ZFPM2: variants seen among roughly 807,000 people sequenced by gnomAD.
ZFPM2 encodes the protein zinc finger protein ZFPM2.
ZFPM2 carries 20 observed loss-of-function variants against 98.6 expected under a neutral mutation model. That is an observed-to-expected ratio of 0.20 (90% CI 0.14 to 0.29). The LOEUF (loss-of-function observed/expected upper bound fraction) is 0.29. Ranked by LOEUF, ZFPM2 falls within the 10% of genes least tolerant of loss-of-function variation. The pLI is 1.00. For synonymous variants in ZFPM2, 518 were observed against 502.7 expected (o/e 1.03, Z -0.41); for missense variants, 1,310 against 1,388.6 (o/e 0.94, Z 0.90).
intron 5 of ZFPM2, among the ~76,000 whole-genome samples, chr8:105,653,587 A>C (rs1259851274): frequency 1.3e-5 from 2 of 152,322 alleles, no homozygotes; most frequent in East Asian, 3.9e-4. Flanking sequence ...TTTTAACAAG[A>C]TCCTAGGTGA....
intron 1 of ZFPM2, among the ~76,000 whole-genome samples, chr8:105,340,118 T>C (rs1033360246): frequency 1.3e-5 from 2 of 151,890 alleles, no homozygotes; most frequent in African/African-American, 4.8e-5. Context: ...GAAGGAGTCG[T>C]TGAGAAAAAT....
chr8:105,517,710 CACACA>C (rs1563695424), intron 3 of ZFPM2, among the ~76,000 whole-genome samples: 2,795 of 95,154 alleles, frequency 0.029, 84 homozygotes, highest in African/African-American at 0.079. Context: ...ACACACACCA[CACACA>C]CACACACACA....
intron 1 of ZFPM2, among the ~76,000 whole-genome samples, chr8:105,340,749 A>G (rs1362562950): frequency 6.6e-6 from 1 of 151,912 alleles, no homozygotes; most frequent in Non-Finnish European, 1.5e-5. Flanking sequence ...TAGGAAGGTA[A>G]GATCTCTGCT....
chr8:105,617,299 A>G (rs1242668499), intron 4 of ZFPM2, among the ~76,000 whole-genome samples: 1 of 151,968 alleles, frequency 6.6e-6, no homozygotes, highest in East Asian at 1.9e-4. Flanking sequence ...TGTGCTCTTT[A>G]CTGAGGCTTC....
chr8:105,513,827 G>A (rs910926988), intron 3 of ZFPM2, among the ~76,000 whole-genome samples: 1 of 152,072 alleles, frequency 6.6e-6, no homozygotes, highest in Non-Finnish European at 1.5e-5. Context: ...TGTATGGATT[G>A]GTTTATTTGA....
chr8:105,773,029 T>C (rs989509280), intron 5 of ZFPM2, among the ~76,000 whole-genome samples: 3 of 152,216 alleles, frequency 2.0e-5, no homozygotes, highest in African/African-American at 7.2e-5. Flanking sequence ...TTGGGGATTA[T>C]AAACCTTGGT....
In ZFPM2 at chr8:105,349,324, C is replaced by T. The variant is rs185216968; in HGVS notation, c.40+30343C>T. Among the ~76,000 whole-genome samples, 621 of 152,210 alleles carry T rather than the reference C, an allele frequency of 4.1e-3. 4 individuals are homozygous for T. The highest frequency in any genetic ancestry group is 8.6e-3 in the Admixed American group (132 of 15,284). On this transcript the variant is annotated intron_variant, in intron 1 of 7. Coordinates refer to ENST00000407775, the MANE Select transcript of ZFPM2 (RefSeq NM_012082.4). Reference sequence around the variant, plus strand: ...TCAAAGGAATGGCCTGGACTTCAGCCGCCTAATTCCCATTCAGTTCTGAGG... The same window carrying T: ...TCAAAGGAATGGCCTGGACTTCAGCTGCCTAATTCCCATTCAGTTCTGAGG...
chr8:105,403,991 A>T (rs1191500233), intron 1 of ZFPM2, among the ~76,000 whole-genome samples: 1 of 119,704 alleles, frequency 8.4e-6, no homozygotes, highest in East Asian at 2.3e-4. Context: ...TATTGGTGTT[A>T]AAACAACAAC....
intron 4 of ZFPM2, among the ~76,000 whole-genome samples, chr8:105,618,574 A>G (rs1816467211): frequency 6.6e-6 from 1 of 152,188 alleles, no homozygotes; most frequent in Admixed American, 6.5e-5. Context: ...ATGGAAACAC[A>G]TTTCTTTAGA....
chr8:105,383,157 C>A (rs1015716675), intron 1 of ZFPM2, among the ~76,000 whole-genome samples: 1 of 151,942 alleles, frequency 6.6e-6, no homozygotes, highest in Admixed American at 6.6e-5. Flanking sequence ...GAAGAAAATG[C>A]GAAGGACATT....
intron 5 of ZFPM2, among the ~76,000 whole-genome samples, chr8:105,670,723 A>G (rs1817579571): frequency 6.6e-6 from 1 of 152,110 alleles, no homozygotes; most frequent in Admixed American, 6.5e-5. Flanking sequence ...CTTTCACTAA[A>G]TGACTTATCT....
chr8:105,480,899 C>T (rs540667427), intron 3 of ZFPM2, among the ~76,000 whole-genome samples: 2 of 152,094 alleles, frequency 1.3e-5, no homozygotes, highest in East Asian at 1.9e-4. Context: ...TATGGGCACC[C>T]GCCACCATGC....
At chr8:105,512,428 T>G (rs1813836408) in intron 3 of ZFPM2, among the ~76,000 whole-genome samples, 2 of 152,190 alleles carry the variant, frequency 1.3e-5, no homozygotes, top group Non-Finnish European at 2.9e-5. Flanking sequence ...TGTAAAACGT[T>G]AAGCACCATA....
chr8:105,781,610 A>G (rs1813252098), intron 5 of ZFPM2, among the ~76,000 whole-genome samples: 1 of 152,024 alleles, frequency 6.6e-6, no homozygotes, highest in Admixed American at 6.6e-5. Flanking sequence ...AATTCCAGCT[A>G]CTCGGGAGGC....
rs147814624 is a variant in ZFPM2, at chr8:105,495,711, TC to T, written c.301+51331del. 5.4e-3 allele frequency among the ~76,000 whole-genome samples: 815 copies of T among 152,262 alleles called. 4 individuals are homozygous for T. The highest frequency in any genetic ancestry group is 0.018 in the African/African-American group (762 of 41,552). ...GGTGCCCTTTTTGTCAGTTAACATTTCATCGTTTTTTTCTGAAGAAGAAGAA... is the reference window on the plus strand; with the variant it reads ...GGTGCCCTTTTTGTCAGTTAACATTTATCGTTTTTTTCTGAAGAAGAAGAA... On this transcript the variant is annotated intron_variant, in intron 3 of 7. Transcript: ENST00000407775.
At chr8:105,638,447 G>T (rs1586166610) in intron 5 of ZFPM2, among the ~76,000 whole-genome samples, 1 of 151,988 alleles carries the variant, frequency 6.6e-6, no homozygotes, top group African/African-American at 2.4e-5. Flanking sequence ...TCTCATGGAC[G>T]ATGAAAATTA....
rs543324448 is a variant in ZFPM2 at position 105,743,363 on chromosome 8, T to G, written c.533-45355T>G. On this transcript the variant is annotated intron_variant, in intron 5 of 7. Transcript: ENST00000407775. ...GAGGGCCATGGGAATCTTGGACTCC[T>G]AGGAATGACTGAATTTTTTTAAAAA... 6.2e-4 allele frequency among the ~76,000 whole-genome samples: 94 copies of G among 152,148 alleles called. 2 individuals are homozygous for G. In the South Asian group the frequency reaches 0.02, roughly 32 times the overall value.
intron 3 of ZFPM2, among the ~76,000 whole-genome samples, chr8:105,534,477 T>TCCTTCTTTCCTCCTTTCTCTTCCTC (rs1563705157): frequency 6.6e-6 from 1 of 151,490 alleles, no homozygotes; most frequent in Non-Finnish European, 1.5e-5. Context: ...CTTCCTTTCT[T>TCCTTCTTTCCTCCTTTCTCTTCCTC]CCTTCTTTCC....
At chr8:105,572,680 TG>T (rs1815384086) in intron 4 of ZFPM2, among the ~76,000 whole-genome samples, 1 of 151,974 alleles carries the variant, frequency 6.6e-6, no homozygotes, top group Admixed American at 6.5e-5. Flanking sequence ...TTGGTCAGGC[TG>T]GTCTCGAAGA....
Sources: gnomAD v4.1 joint callset for allele counts (sites outside exome capture counted in the v4.1 genomes callset) on GRCh38, gnomAD v4.1.1 for gene constraint, MANE v1.5 for transcripts, NCBI Gene and HGNC (gene_info 2026-07-23, HGNC 2026-07-21) for gene names.